Variants in ATAD5 observed in about 807,000 individuals in gnomAD.
The protein encoded by ATAD5 is ATPase family AAA domain-containing protein 5.
Under a neutral mutation model 176.9 loss-of-function variants are expected in ATAD5, and 58 were observed. The observed-to-expected ratio is 0.33, with a 90% CI of 0.27 to 0.41. The LOEUF is 0.41. Ranked by LOEUF, ATAD5 falls within the 10% of genes least tolerant of loss-of-function variation. The pLI is 1.00. For missense variants in ATAD5, 1,789 were observed against 2,094.1 expected (o/e 0.85, Z 2.84); for synonymous variants, 640 against 712.6 (o/e 0.90, Z 1.62).
At chr17:30,860,248 G>A (rs755118334) in intron 9 of ATAD5, among the ~76,000 whole-genome samples, 185 bp from the exon 10 acceptor site, 5 of 152,086 alleles carry the variant, frequency 3.3e-5, no homozygotes, top group African/African-American at 1.2e-4. Context: ...GGTCTTAAAC[G>A]CGTAGACTCA....
At position 30,834,857 on chromosome 17, in the gene ATAD5, A is replaced by G. The variant is rs755751043; in HGVS notation, c.776A>G (p.Asn259Ser). 9.9e-6 allele frequency: 16 copies of G among 1,613,436 alleles called. No homozygotes were observed. The South Asian group carries it at 1.7e-4, about 17-fold the overall frequency. The change falls in exon 2 of 23, where the codon AAT becomes AGT. Residue 259 changes from asparagine to serine, a missense_variant. Physicochemically the swap from Asn to Ser is conservative, Grantham distance 46. Around this residue, in one of 6 missense-constraint regions of ATAD5, gnomAD observed 696 missense variants for 712.5 expected, o/e 0.98. Transcript: ENST00000321990. ...AACGTAACTGAAGCAGCCCAGTTAA[A>G]TGATAGTATAATAACTGTCTCATAT... ...RDNVTEAAQL[N>S]DSIITVSYEE...
rs751899775 is a variant in ATAD5 at position 30,834,937 on chromosome 17, A to G, written c.856A>G (p.Thr286Ala). Residue 286 changes from threonine (T) to alanine (A), a missense_variant, in exon 2 of 23, where the codon ACA becomes GCA. This residue lies in a region of ATAD5 where 696 missense variants were observed against 712.5 expected (regional missense o/e 0.98). Coordinates refer to ENST00000321990, the MANE Select transcript of ATAD5 (RefSeq NM_024857.5). ...ENKVEEIPDS[T>A]MSICVPSETV... ...TAAAGTGGAAGAGATACCAGACTCT[A>G]CAATGTCAATTTGTGTTCCTTCTGA... 1.9e-6 allele frequency: 3 copies of G among 1,613,846 alleles called. No homozygotes were observed. The highest frequency in any genetic ancestry group is 2.2e-5 in the South Asian group (2 of 91,050).
chr17:30,859,549 T>C (rs576287913), intron 9 of ATAD5, among the ~76,000 whole-genome samples: 1 of 151,744 alleles, frequency 6.6e-6, no homozygotes, highest in African/African-American at 2.4e-5. Context: ...TTAGTAGAGA[T>C]GGGGTTTCAC....
intron 14 of ATAD5, among the ~76,000 whole-genome samples, chr17:30,874,908 C>T (rs1042539509): frequency 2.6e-5 from 4 of 151,994 alleles, no homozygotes; most frequent in Non-Finnish European, 4.4e-5. Context: ...AGATTACAGG[C>T]GTGAGCCACT....
intron 18 of ATAD5, among the ~76,000 whole-genome samples, chr17:30,881,904 C>A (rs1234350855): frequency 6.8e-6 from 1 of 147,276 alleles, no homozygotes; most frequent in Non-Finnish European, 1.5e-5. Context: ...CAGAGCAAGA[C>A]CCTGTCCCCC....
chr17:30,882,725 A>G (rs936544073), intron 18 of ATAD5, among the ~76,000 whole-genome samples: 1 of 152,236 alleles, frequency 6.6e-6, no homozygotes, highest in East Asian at 1.9e-4. Flanking sequence ...GGTCTCCACT[A>G]CCCAAATGAA....
rs201420202 is a variant in ATAD5 at position 30,868,426 on chromosome 17, C to CT, written c.3313+29dup. ...AGAAACATGAAGGTATTTTGTGTGT[C>CT]TTTTTTTTTTTTTTTACCATTTCAC... On this transcript the variant is annotated intron_variant, in intron 12 of 22. Coordinates refer to ENST00000321990, the MANE Select transcript of ATAD5 (RefSeq NM_024857.5). The CT allele has an allele frequency of 0.022, 26,191 of 1,211,154 alleles. 4 individuals carry two copies. Among genetic ancestry groups the CT allele is most frequent in the Non-Finnish European group, 0.023 (21,773 of 930,748 alleles). 75.0% of individuals were successfully genotyped at this position (1,211,154 alleles called of 1,614,324 possible). A position where few individuals can be genotyped will look rare whatever the true frequency, so the allele number is the denominator to read the frequency against.
intron 7 of ATAD5, among the ~76,000 whole-genome samples, chr17:30,855,891 T>C (rs1374748091): frequency 6.6e-6 from 1 of 152,008 alleles, no homozygotes; most frequent in Admixed American, 6.6e-5. Context: ...GTTTAGCCTT[T>C]CTTCTGTACG....
In ATAD5 at chr17:30,834,153, C is replaced by A; in HGVS notation, c.72C>A (p.Cys24Ter). Residue 24 changes from cysteine to a stop codon, truncating the protein, a stop_gained, in exon 2 of 23, where the codon TGC (cysteine) becomes TGA (stop). Coordinates refer to ENST00000321990, the MANE Select transcript of ATAD5 (RefSeq NM_024857.5). LOFTEE classifies it high-confidence loss of function. ...TTTCTCTTTTAAATTGCCAGCCATG[C>A]AAAAAGCGAAAGAAAGATGATGACA... ...PPVKDCEIEP[C>*]KKRKKDDDTS... The A allele has an allele frequency of 6.5e-7, 1 of 1,540,258 alleles. No individual in the cohort carries two copies.
chr17:30,866,384 G>C (rs1168763377), intron 11 of ATAD5, among the ~76,000 whole-genome samples: 1 of 150,300 alleles, frequency 6.7e-6, no homozygotes, highest in African/African-American at 2.4e-5. Flanking sequence ...TTTTGGTAGA[G>C]ACAGTTTCGC....
intron 19 of ATAD5, among the ~76,000 whole-genome samples, chr17:30,889,059 CAA>C (rs58343790): frequency 2.8e-4 from 23 of 82,270 alleles, no homozygotes; most frequent in East Asian, 6.5e-4. Context: ...GACTCTGTCT[CAA>C]AAAAAAAAAA....
At position 30,893,278 on chromosome 17, in the gene ATAD5, C is replaced by T; in HGVS notation, c.4441-16C>T. On this transcript the variant is annotated splice_polypyrimidine_tract_variant and intron_variant, in intron 20 of 22. Coordinates refer to ENST00000321990, the MANE Select transcript of ATAD5 (RefSeq NM_024857.5). The stretch of plus-strand genomic sequence containing the variant: ...TGTACTGCTGTAACATTTCTTTACT[C>T]AAAATTGTTTTTCAGCACAAAATCA... 3 of 1,548,600 alleles carry T rather than the reference C, an allele frequency of 1.9e-6. No homozygotes were observed. The highest frequency in any genetic ancestry group is 2.6e-6 in the Non-Finnish European group (3 of 1,150,940).
chr17:30,894,479 G>C, intron 21 of ATAD5, 85 bp from the exon 22 acceptor site: 1 of 1,337,108 alleles, frequency 7.5e-7, no homozygotes, highest in East Asian at 2.3e-5. Context: ...CTAGACCAGA[G>C]GCAAGGAAAC....
rs547254509 is a variant in ATAD5, at chr17:30,890,948, C to T, written c.4259-1659C>T. 2.6e-5 allele frequency among the ~76,000 whole-genome samples: 4 copies of T among 152,304 alleles called. No individual in the cohort carries two copies. The East Asian group carries it at 5.8e-4, about 22-fold the overall frequency. ...AGCACATACGATCCTATCCCACTGTCTTTCACAGCTGCATGCTTTTCTATA... is the reference window on the plus strand; with the variant it reads ...AGCACATACGATCCTATCCCACTGTTTTTCACAGCTGCATGCTTTTCTATA... On this transcript the variant is annotated intron_variant, in intron 19 of 22. Coordinates refer to ENST00000321990, the MANE Select transcript of ATAD5 (RefSeq NM_024857.5).
chr17:30,843,166 A>C (rs1906239597), intron 4 of ATAD5, among the ~76,000 whole-genome samples: 1 of 151,814 alleles, frequency 6.6e-6, no homozygotes. Flanking sequence ...AGCCTGGTCA[A>C]CATAGGGAGA....
chr17:30,865,755 C>A lies in ATAD5; in HGVS notation c.3188C>A (p.Ala1063Asp). The change falls in exon 11 of 23, where the codon GCC becomes GAC. Residue 1063 changes from alanine to aspartate, a missense_variant. Ala to Asp is a moderately radical substitution (Grantham distance 126). Coordinates refer to ENST00000321990, the MANE Select transcript of ATAD5 (RefSeq NM_024857.5). ...ACAGAAAAGTATCAACCTCAGACTG[C>A]CAGTGAACTTATAGGAAATGAGTTA... ...LWTEKYQPQTASELIGNELAI... is the reference protein window; with the variant it reads ...LWTEKYQPQTDSELIGNELAI... 1 of 1,592,854 alleles carries A rather than the reference C, an allele frequency of 6.3e-7. No individual in the cohort carries two copies.
chr17:30,848,237 G>A (rs929134706), intron 6 of ATAD5, among the ~76,000 whole-genome samples: 1 of 151,786 alleles, frequency 6.6e-6, no homozygotes, highest in African/African-American at 2.4e-5. Flanking sequence ...GATAACACTT[G>A]GCATTATCAG....
At chr17:30,833,939 C>T (rs1905532161) in intron 1 of ATAD5, among the ~76,000 whole-genome samples, 1 of 152,146 alleles carries the variant, frequency 6.6e-6, no homozygotes, top group African/African-American at 2.4e-5. Flanking sequence ...GCCTTGGCCT[C>T]CTGAAGTACT....
chr17:30,850,580 CT>C (rs1286689757), intron 6 of ATAD5, among the ~76,000 whole-genome samples: 2 of 151,506 alleles, frequency 1.3e-5, no homozygotes, highest in Admixed American at 1.3e-4. Flanking sequence ...CTAAGGTTAA[CT>C]TTTTTAGTCT....
Sources: allele counts gnomAD v4.1 joint callset (sites outside exome capture counted in the v4.1 genomes callset), GRCh38; gene constraint gnomAD v4.1.1; regional missense constraint gnomAD v4.1.1; transcripts MANE v1.5; gene names NCBI Gene and HGNC (gene_info 2026-07-23, HGNC 2026-07-21).